DAB1: variants seen among roughly 807,000 people sequenced by gnomAD.
The protein encoded by DAB1 is disabled homolog 1.
DAB1 carries 15 observed loss-of-function variants against 64.6 expected under a neutral mutation model. The ratio of observed to expected loss-of-function variants is 0.23; its 90% confidence interval spans 0.16 to 0.36. DAB1 has a LOEUF of 0.36. Ranked by LOEUF, DAB1 falls within the 10% of genes least tolerant of loss-of-function variation. DAB1 has a pLI of 1.00. For missense variants in DAB1, 596 were observed against 706.7 expected (o/e 0.84, Z 1.78); for synonymous variants, 235 against 251.9 (o/e 0.93, Z 0.64).
chr1:57,762,917 T>C lies in DAB1; in HGVS notation n.552-113252A>G, dbSNP rs1372061131. Among the ~76,000 whole-genome samples, 3 of 152,304 alleles carry C rather than the reference T, an allele frequency of 2.0e-5. No homozygotes were observed. The East Asian group carries it at 5.8e-4, about 29-fold the overall frequency. On this transcript the variant is annotated intron_variant and non_coding_transcript_variant, in intron 6 of 20. Transcript: ENST00000485760. ...TCATTCCAACAGCTATTGACTATGT[T>C]CCTCATGTGGGCTAGGCCCTGACGT...
intron 6 of DAB1, among the ~76,000 whole-genome samples, chr1:57,671,090 A>AT (rs1223671994): frequency 6.6e-6 from 1 of 151,986 alleles, no homozygotes; most frequent in Non-Finnish European, 1.5e-5. Context: ...AATTTGTGGA[A>AT]TTTTTTTTCC....
rs562351809 is a variant in DAB1, at chr1:58,224,716, C to T, written n.310-74128G>A. The stretch of plus-strand genomic sequence containing the variant: ...TTAGTAGATTTTTTAAAACCTGAGG[C>T]TCCCTATTTAATAAATGGTGCTGGG... On this transcript the variant is annotated intron_variant and non_coding_transcript_variant, in intron 4 of 20. Coordinates refer to the DAB1 transcript ENST00000485760. Among the ~76,000 whole-genome samples, 6 of 152,178 alleles carry T rather than the reference C, an allele frequency of 3.9e-5. No homozygotes were observed. The South Asian group carries it at 6.2e-4, about 16-fold the overall frequency.
chr1:58,051,241 C>T (rs943762144), intron 5 of DAB1, among the ~76,000 whole-genome samples: 4 of 151,518 alleles, frequency 2.6e-5, no homozygotes, highest in Non-Finnish European at 4.4e-5. Context: ...ATGTTCCCTG[C>T]CCTGTGTCCA....
chr1:57,987,811 T>TC (rs1233230785), intron 5 of DAB1, among the ~76,000 whole-genome samples: 1 of 151,490 alleles, frequency 6.6e-6, no homozygotes, highest in Non-Finnish European at 1.5e-5. Flanking sequence ...CTGTGAAGTG[T>TC]CCCCTCCAAA....
intron 4 of DAB1, among the ~76,000 whole-genome samples, chr1:57,095,201 T>C (rs1177295316): frequency 1.3e-5 from 2 of 152,200 alleles, no homozygotes; most frequent in Non-Finnish European, 2.9e-5. Flanking sequence ...GCAGATGTCA[T>C]TCAGAAATTC....
chr1:58,385,610 A>G (rs144384708), intron 3 of DAB1, among the ~76,000 whole-genome samples: 63 of 152,300 alleles, frequency 4.1e-4, no homozygotes, highest in Non-Finnish European at 6.9e-4. Flanking sequence ...ATCCAATAGA[A>G]CTTTACAGTT....
chr1:57,001,776 G>A (rs1000117139), intron 14 of DAB1, among the ~76,000 whole-genome samples: 15 of 152,114 alleles, frequency 9.9e-5, no homozygotes, highest in South Asian at 8.3e-4. Flanking sequence ...TTCTGGCTTC[G>A]GAGGCTTCTT....
chr1:57,060,125 T>TTTTATTTTATTTTATTTTATTTTATTTTA (rs1650227539), intron 9 of DAB1, among the ~76,000 whole-genome samples: 1 of 135,904 alleles, frequency 7.4e-6, no homozygotes, highest in Non-Finnish European at 1.6e-5. Context: ...ATTCATATAT[T>TTTTATTTTATTTTATTTTATTTTATTTTA]TTTTATTTTA....
At chr1:57,555,553 T>C (rs1267247591) in intron 7 of DAB1, among the ~76,000 whole-genome samples, 1 of 152,196 alleles carries the variant, frequency 6.6e-6, no homozygotes. Context: ...ATGATGATCA[T>C]TGCTGCTTGC....
At chr1:58,307,173 C>A (rs1392691901) in intron 4 of DAB1, among the ~76,000 whole-genome samples, 5 of 152,130 alleles carry the variant, frequency 3.3e-5, no homozygotes, top group Non-Finnish European at 5.9e-5. Flanking sequence ...TCTCCAAGCC[C>A]AGTAAAAAAG....
At chr1:57,427,898 T>C (rs1685350288), upstream of DAB1, among the ~76,000 whole-genome samples, 3 of 152,210 alleles carry the variant, frequency 2.0e-5, no homozygotes, top group Admixed American at 6.5e-5. Context: ...CAGGGCATGG[T>C]GGCTCACACC....
chr1:57,647,766 CT>C (rs1646211074), intron 7 of DAB1, among the ~76,000 whole-genome samples: 3 of 152,162 alleles, frequency 2.0e-5, no homozygotes, highest in Admixed American at 1.3e-4. Context: ...ATAGATATTA[CT>C]TTTTCTGCTT....
At chr1:58,277,329 C>T (rs964792331) in intron 4 of DAB1, among the ~76,000 whole-genome samples, 53 of 152,094 alleles carry the variant, frequency 3.5e-4, no homozygotes, top group African/African-American at 1.2e-3. Context: ...CGTGACCCAC[C>T]GCGCCCAGCC....
At chr1:58,510,821 A>C (rs376676844) in intron 2 of DAB1, among the ~76,000 whole-genome samples, 13 of 152,304 alleles carry the variant, frequency 8.5e-5, no homozygotes, top group African/African-American at 3.1e-4. Context: ...TATGTTCTAC[A>C]CACTAACAAC....
intron 4 of DAB1, among the ~76,000 whole-genome samples, chr1:58,205,202 C>T (rs1658202510): frequency 6.6e-6 from 1 of 152,080 alleles, no homozygotes; most frequent in Non-Finnish European, 1.5e-5. Context: ...AGACTTCCAT[C>T]TGAGTGGGTT....
At chr1:57,460,182 T>C (rs1463709931) in intron 7 of DAB1, among the ~76,000 whole-genome samples, 4 of 152,226 alleles carry the variant, frequency 2.6e-5, no homozygotes, top group Non-Finnish European at 5.9e-5. Context: ...CCAGAGGATG[T>C]AGCTCATTCA....
intron 1 of DAB1, among the ~76,000 whole-genome samples, chr1:58,535,807 T>C (rs995520671): frequency 7.9e-5 from 12 of 152,106 alleles, no homozygotes; most frequent in Non-Finnish European, 1.5e-4. Flanking sequence ...GAGGTAAGAC[T>C]TCTAAATTAT....
intron 7 of DAB1, among the ~76,000 whole-genome samples, chr1:57,520,524 A>T (rs1644513376): frequency 6.6e-6 from 1 of 152,196 alleles, no homozygotes; most frequent in Admixed American, 6.5e-5. Flanking sequence ...AAATCAGTGT[A>T]AATTATACCA....
intron 1 of DAB1, among the ~76,000 whole-genome samples, chr1:57,411,476 G>A (rs1684107339): frequency 6.6e-6 from 1 of 152,228 alleles, no homozygotes; most frequent in Non-Finnish European, 1.5e-5. Context: ...TGGTCTATCC[G>A]AAATGCCAGA....
Sources: gnomAD v4.1 joint callset for allele counts (sites outside exome capture counted in the v4.1 genomes callset) on GRCh38, gnomAD v4.1.1 for gene constraint, MANE v1.5 for transcripts, NCBI Gene and HGNC (gene_info 2026-07-23, HGNC 2026-07-21) for gene names.